C12orf42: variants seen among roughly 807,000 people sequenced by gnomAD.
The protein encoded by C12orf42 is uncharacterized protein C12orf42.
A neutral mutation model predicts 21.6 loss-of-function variants in C12orf42; 25 were observed. The ratio of observed to expected loss-of-function variants is 1.16; its 90% confidence interval spans 0.84 to 1.62. C12orf42 has a LOEUF of 1.62. Among genes scored for constraint, C12orf42 ranks in the 40% most tolerant of loss-of-function variants. The probability of loss-of-function intolerance (pLI) is 0.00; values close to 1 mark genes in which losing one functional copy is unlikely to be tolerated. For synonymous variants in C12orf42, 174 were observed against 175.0 expected (o/e 0.99, Z 0.05); for missense variants, 483 against 459.3 (o/e 1.05, Z -0.47).
At chr12:103,422,526 C>A (rs897437069) in intron 2 of C12orf42, among the ~76,000 whole-genome samples, 2 of 152,108 alleles carry the variant, frequency 1.3e-5, no homozygotes. Flanking sequence ...GAGTCCCCTG[C>A]TGGGCTCTTA....
the C12orf42 span, among the ~76,000 whole-genome samples, chr12:103,198,539 C>G: frequency 6.6e-6 from 1 of 152,346 alleles, no homozygotes. Flanking sequence ...CCATGCTCCA[C>G]TGTAACTGTT....
At chr12:103,169,704 T>A in the C12orf42 span, among the ~76,000 whole-genome samples, 1 of 152,086 alleles carries the variant, frequency 6.6e-6, no homozygotes, top group African/African-American at 2.4e-5. Context: ...AAAGAAGGTG[T>A]TTTGGATGAG....
chr12:103,304,162 G>A (rs2038033932), intron 5 of C12orf42, among the ~76,000 whole-genome samples: 1 of 152,270 alleles, frequency 6.6e-6, no homozygotes, highest in South Asian at 2.1e-4. Flanking sequence ...TACATGACCT[G>A]GCCTAAGTCT....
Position 103,257,715 on chromosome 12 carries a change from A to G in C12orf42, c.*1366+5611T>C, listed in dbSNP as rs1593225407. Among the ~76,000 whole-genome samples the G allele has an allele frequency of 1.3e-5, 2 of 152,098 alleles. 1 individual carries two copies. The highest frequency in any genetic ancestry group is 3.9e-4 in the East Asian group (2 of 5,186). On this transcript the variant is annotated intron_variant and NMD_transcript_variant, in intron 10 of 10. Coordinates refer to the C12orf42 transcript ENST00000547347. ...GTAAAGGGGTTCAAGAGAAAGTAAC[A>G]AATACAAAAATAGCAAAGAATATCT...
chr12:103,202,205 G>T, the C12orf42 span, among the ~76,000 whole-genome samples: 2 of 152,204 alleles, frequency 1.3e-5, no homozygotes, highest in Non-Finnish European at 2.9e-5. Context: ...GCAAGAATCA[G>T]GACGAGTAAA....
chr12:103,451,039 T>C (rs1951902939), intron 2 of C12orf42, among the ~76,000 whole-genome samples: 2 of 152,008 alleles, frequency 1.3e-5, no homozygotes, highest in African/African-American at 4.8e-5. Flanking sequence ...CCTCTTCCTC[T>C]CTCTATATCA....
At chr12:103,171,561 A>G in the C12orf42 span, among the ~76,000 whole-genome samples, 1 of 152,142 alleles carries the variant, frequency 6.6e-6, no homozygotes, top group South Asian at 2.1e-4. Context: ...GTACACCAAG[A>G]TATTGAGTCG....
chr12:103,341,155 T>C (rs1351967667), intron 4 of C12orf42, among the ~76,000 whole-genome samples: 1 of 135,650 alleles, frequency 7.4e-6, no homozygotes, highest in Non-Finnish European at 1.6e-5. Flanking sequence ...ATAAAAATTA[T>C]CCAAAATAAA....
the C12orf42 span, among the ~76,000 whole-genome samples, chr12:103,184,316 T>C: frequency 1.3e-3 from 196 of 152,364 alleles, no homozygotes; most frequent in African/African-American, 4.6e-3. Flanking sequence ...ACTTGGTCTC[T>C]AGTAATTTTC....
At chr12:103,314,920 C>T (rs372457319) in intron 4 of C12orf42, among the ~76,000 whole-genome samples, 30 of 152,276 alleles carry the variant, frequency 2.0e-4, no homozygotes, top group East Asian at 1.7e-3. Flanking sequence ...ACCAACAGGG[C>T]TTCAGTATAA....
chr12:103,059,377 C>T, the C12orf42 span, among the ~76,000 whole-genome samples: 5 of 152,160 alleles, frequency 3.3e-5, no homozygotes, highest in South Asian at 2.1e-4. Flanking sequence ...GATGGATTCA[C>T]AGCTGATTTC....
chr12:103,160,438 A>G, the C12orf42 span, among the ~76,000 whole-genome samples: 1 of 152,216 alleles, frequency 6.6e-6, no homozygotes, highest in African/African-American at 2.4e-5. Flanking sequence ...TTATGTCTTT[A>G]AATCTAATAC....
At chr12:103,311,709 A>G (rs1193127191) in intron 4 of C12orf42, among the ~76,000 whole-genome samples, 1 of 152,160 alleles carries the variant, frequency 6.6e-6, no homozygotes, top group Non-Finnish European at 1.5e-5. Context: ...TTGTTACGTG[A>G]CACATCTCTT....
the C12orf42 span, among the ~76,000 whole-genome samples, chr12:103,146,089 T>C: frequency 6.6e-6 from 1 of 152,180 alleles, no homozygotes; most frequent in East Asian, 1.9e-4. Context: ...TTTTCTGTTT[T>C]TTTTGTCTTT....
the C12orf42 span, among the ~76,000 whole-genome samples, chr12:103,533,603 G>A: frequency 1.2e-4 from 19 of 152,132 alleles, no homozygotes; most frequent in African/African-American, 4.1e-4. Flanking sequence ...AACATTTTCT[G>A]AGATAACTTT....
chr12:103,256,162 A>T lies in C12orf42; in HGVS notation c.*1366+7164T>A, dbSNP rs551510457. 3.0e-3 allele frequency among the ~76,000 whole-genome samples: 398 copies of T among 134,270 alleles called. 5 individuals carry two copies. The highest frequency in any genetic ancestry group is 0.01 in the African/African-American group (391 of 37,282). The allele number at this position is 134,270 out of a possible 152,430, so 88.1% of individuals were successfully genotyped here. On this transcript the variant is annotated intron_variant and NMD_transcript_variant, in intron 10 of 10. Coordinates refer to the C12orf42 transcript ENST00000547347. ...CACACACACGTATATATACACACAT[A>T]TATATACACATATATATACATATAT... is the stretch of plus-strand genomic sequence containing the variant.
At chr12:103,303,406 C>A (rs562814834) in intron 5 of C12orf42, among the ~76,000 whole-genome samples, 1 of 152,104 alleles carries the variant, frequency 6.6e-6, no homozygotes, top group African/African-American at 2.4e-5. Context: ...CATTGACCTA[C>A]ACAAATTAAA....
At chr12:103,444,635 CATTT>C (rs1365261880) in intron 2 of C12orf42, among the ~76,000 whole-genome samples, 1 of 151,948 alleles carries the variant, frequency 6.6e-6, no homozygotes, top group African/African-American at 2.4e-5. Flanking sequence ...CTAATTGATT[CATTT>C]GTTTCTGAAA....
At chr12:103,296,325 C>T (rs1242076892) in intron 4 of C12orf42, among the ~76,000 whole-genome samples, 3 of 151,998 alleles carry the variant, frequency 2.0e-5, no homozygotes, top group African/African-American at 7.3e-5. Flanking sequence ...AATACACACA[C>T]GTGTGCATGT....
Sources: allele counts gnomAD v4.1 joint callset (sites outside exome capture counted in the v4.1 genomes callset), GRCh38; gene constraint gnomAD v4.1.1; transcripts MANE v1.5; gene names NCBI Gene and HGNC (gene_info 2026-07-23, HGNC 2026-07-21).